The following RAG1 variants were observed in gnomAD, a reference collection of about 807,000 sequenced individuals.
RAG1 encodes recombination activating 1, also known as V(D)J recombination-activating protein 1.
In RAG1, 35 loss-of-function variants were observed where a neutral mutation model predicts 62.7. The ratio of observed to expected loss-of-function variants is 0.56; its 90% CI spans 0.43 to 0.74. RAG1 has a LOEUF of 0.74. Among genes scored for constraint, RAG1 ranks in the 30% least tolerant of loss-of-function variants. The pLI is 0.00. For synonymous variants in RAG1, 461 were observed against 470.3 expected, an observed-to-expected ratio of 0.98 and a Z score of 0.26; for missense variants, 1,169 against 1,278.6, an observed-to-expected ratio of 0.91 and a Z score of 1.31.
chr11:36,542,207 C>A (rs555458213), intron 3 of RAG1, among the ~76,000 whole-genome samples: 26 of 152,224 alleles, frequency 1.7e-4, no homozygotes, highest in Admixed American at 1.1e-3. Context: ...TCTTCTACTA[C>A]CATTTGATAT....
At position 36,574,518 on chromosome 11, in the gene RAG1, G is replaced by T; in HGVS notation, c.1214G>T (p.Arg405Ile). 1 of 1,614,250 alleles carries T rather than the reference G, an allele frequency of 6.2e-7. No homozygotes were observed. Residue 405 changes from arginine to isoleucine, a missense_variant, in exon 2 of 2, where the codon AGA becomes ATA. By Grantham distance (97) the Arg-to-Ile change is moderately conservative. Around this residue, in one of 2 missense-constraint regions of RAG1, gnomAD observed 800 missense variants for 943.3 expected, o/e 0.85. Transcript: ENST00000299440. ...PRQHLLSLTR[R>I]AQKHRLRELK... is the part of the protein sequence containing the mutation. ...CAACATCTTCTGTCGCTGACTCGGA[G>T]AGCTCAGAAGCACCGGCTGAGGGAG...
intron 3 of RAG1, among the ~76,000 whole-genome samples, chr11:36,552,635 T>G (rs374844385): frequency 6.2e-4 from 1 of 1,612 alleles, no homozygotes; most frequent in African/African-American, 6.9e-4. Flanking sequence ...GTCAATTTTG[T>G]CTTTTGTTGC....
intron 1 of RAG1, among the ~76,000 whole-genome samples, chr11:36,516,488 A>T (rs1449636157): frequency 1.3e-5 from 2 of 152,122 alleles, no homozygotes; most frequent in Admixed American, 6.6e-5. Flanking sequence ...CGCCTGGAGA[A>T]TTTTTTTGTA....
intron 3 of RAG1, among the ~76,000 whole-genome samples, chr11:36,558,174 C>A (rs941875257): frequency 6.6e-6 from 1 of 152,044 alleles, no homozygotes; most frequent in Non-Finnish European, 1.5e-5. Flanking sequence ...TTTGTTGAGA[C>A]TTGTTTTGTG....
intron 3 of RAG1, among the ~76,000 whole-genome samples, chr11:36,544,801 T>C (rs1367968826): frequency 6.6e-6 from 1 of 152,178 alleles, no homozygotes; most frequent in Non-Finnish European, 1.5e-5. Flanking sequence ...CATTCTGTTC[T>C]CATGATTGTG....
intron 2 of RAG1, among the ~76,000 whole-genome samples, chr11:36,528,914 A>ATG (rs1860208545): frequency 6.6e-6 from 1 of 152,072 alleles, no homozygotes; most frequent in Non-Finnish European, 1.5e-5. Context: ...ATAAATTCCC[A>ATG]GACACATATA....
chr11:36,563,512 C>A (rs1301319464), upstream of RAG1: 2 of 152,104 alleles, frequency 1.3e-5, no homozygotes, highest in Admixed American at 6.5e-5. Context: ...TGAGCCAATT[C>A]CTGTAATAAT....
intron 2 of RAG1, among the ~76,000 whole-genome samples, chr11:36,529,492 C>G (rs1164915229): frequency 6.6e-6 from 1 of 152,160 alleles, no homozygotes; most frequent in Non-Finnish European, 1.5e-5. Flanking sequence ...TGGAACGTAT[C>G]TCAAAATAAT....
At chr11:36,535,740 C>T (rs1860316773) in intron 2 of RAG1, among the ~76,000 whole-genome samples, 1 of 151,992 alleles carries the variant, frequency 6.6e-6, no homozygotes, top group East Asian at 1.9e-4. Flanking sequence ...GCAAGACTCC[C>T]TCTCAAATAA....
At position 36,575,071 on chromosome 11, in the gene RAG1, C is replaced by G. The variant is rs991089005; in HGVS notation, c.1767C>G (p.Tyr589Ter). ...EGMRSQDLDD[Y>*]LNGPFTVVVK... ...TGAGATCCCAAGACCTTGATGATTA[C>G]CTGAATGGCCCCTTCACTGTGGTGG... The change falls in exon 2 of 2, where the codon TAC (tyrosine) becomes TAG (stop). Residue 589 changes from tyrosine to a stop codon, truncating the protein, a stop_gained. Coordinates refer to ENST00000299440, the MANE Select transcript of RAG1 (RefSeq NM_000448.3). LOFTEE classifies it high-confidence loss of function. The surrounding 1 kb of genome is among the most constrained non-coding windows in gnomAD (Gnocchi z 4.1). The G allele has an allele frequency of 1.9e-6, 3 of 1,614,116 alleles. No individual in the cohort carries two copies. The highest frequency in any genetic ancestry group is 1.7e-6 in the Non-Finnish European group (2 of 1,180,018).
At chr11:36,561,275 A>T (rs2133280596) in intron 3 of RAG1, among the ~76,000 whole-genome samples, 1 of 152,348 alleles carries the variant, frequency 6.6e-6, no homozygotes, top group East Asian at 1.9e-4. Context: ...CCTTGTAGGC[A>T]GATGGGTGAG....
At chr11:36,531,249 C>A (rs1860249598) in intron 2 of RAG1, among the ~76,000 whole-genome samples, 2 of 151,842 alleles carry the variant, frequency 1.3e-5, no homozygotes, top group African/African-American at 2.4e-5. Context: ...TTCATATGGA[C>A]AACATATAGT....
Position 36,579,570 on chromosome 11 carries a change from A to G in RAG1, c.*3134A>G, listed in dbSNP as rs1170061383. On this transcript the variant is annotated 3_prime_UTR_variant, in exon 2 of 2. Coordinates refer to ENST00000299440, the MANE Select transcript of RAG1 (RefSeq NM_000448.3). Reference sequence around the variant, plus strand: ...CCTTTTTTTTTTTTGTATTTCAGAGAAAATTCAGGTACCAGGATGCAATGG... The same window carrying G: ...CCTTTTTTTTTTTTGTATTTCAGAGGAAATTCAGGTACCAGGATGCAATGG... The G allele has an allele frequency of 6.0e-6, 1 of 166,136 alleles. No homozygotes were observed. The highest frequency in any genetic ancestry group is 1.5e-5 in the Non-Finnish European group (1 of 67,966). 10.3% of individuals were successfully genotyped at this position (166,136 alleles called of 1,614,324 possible). A position where few individuals can be genotyped will look rare whatever the true frequency, so the allele number is the denominator to read the frequency against.
At chr11:36,535,378 T>A (rs898401526) in intron 2 of RAG1, among the ~76,000 whole-genome samples, 1 of 152,190 alleles carries the variant, frequency 6.6e-6, no homozygotes, top group African/African-American at 2.4e-5. Flanking sequence ...GTTGTCAGCA[T>A]TTTTAAAAAA....
At chr11:36,538,212 T>C (rs1860360341), downstream of RAG1, among the ~76,000 whole-genome samples, 1 of 152,212 alleles carries the variant, frequency 6.6e-6, no homozygotes, top group African/African-American at 2.4e-5. Context: ...TTTTGTTCTA[T>C]TACTGATCCT....
At chr11:36,559,791 G>T (rs1047825890) in intron 3 of RAG1, among the ~76,000 whole-genome samples, 1 of 151,986 alleles carries the variant, frequency 6.6e-6, no homozygotes, top group East Asian at 1.9e-4. Context: ...TTGTTAAATT[G>T]TCTATCTGTA....
intron 3 of RAG1, among the ~76,000 whole-genome samples, chr11:36,551,015 G>C (rs1360709682): frequency 6.6e-6 from 1 of 152,118 alleles, no homozygotes. Context: ...AGAGGAGGTT[G>C]TTCTCAGTTG....
At chr11:36,564,345 T>C (rs543597483), upstream of RAG1, among the ~76,000 whole-genome samples, 1 of 152,166 alleles carries the variant, frequency 6.6e-6, no homozygotes, top group Non-Finnish European at 1.5e-5. Context: ...TGTTTCCTAG[T>C]CTATAGGAAT....
rs1306263654 is a variant in RAG1 at position 36,574,846 on chromosome 11, G to C, written c.1542G>C (p.Leu514=). 6.2e-7 allele frequency: 1 copy of C among 1,614,112 alleles called. No individual in the cohort carries two copies. ...TTCGGAATGCTGAGAAGGTACTTCT[G>C]CCAGGCTACCACCACTTTGAGTGGC... ...HALRNAEKVL[L]PGYHHFEWQP... The change falls in exon 2 of 2, where the codon CTG becomes CTC. Residue 514 remains leucine, a synonymous_variant. Transcript: ENST00000299440.
Sources: gnomAD v4.1 joint callset for allele counts (sites outside exome capture counted in the v4.1 genomes callset) on GRCh38, gnomAD v4.1.1 for gene constraint, gnomAD v4.1.1 regional missense constraint, Gnocchi (gnomAD v3.1) non-coding constraint, MANE v1.5 for transcripts, NCBI Gene and HGNC (gene_info 2026-07-23, HGNC 2026-07-21) for gene names.